The following SVIL variants were observed in gnomAD, a reference collection of about 807,000 sequenced individuals.
SVIL encodes the protein supervillin, also known as archvillin.
Under a neutral mutation model 240.4 loss-of-function variants are expected in SVIL, and 101 were observed. The ratio of observed to expected loss-of-function variants is 0.42; its 90% CI spans 0.36 to 0.50. The LOEUF is 0.50. Among genes scored for constraint, SVIL ranks in the 20% least tolerant of loss-of-function variants. The pLI is 0.01. For missense variants in SVIL, 2,512 were observed against 2,818.7 expected (o/e 0.89, Z 2.46); for synonymous variants, 999 against 1,100.0 (o/e 0.91, Z 1.82).
chr10:29,666,729 AG>A (rs1194130230), intron 2 of SVIL, among the ~76,000 whole-genome samples: 2 of 152,248 alleles, frequency 1.3e-5, no homozygotes, highest in Non-Finnish European at 2.9e-5. Context: ...TCTAAATAAA[AG>A]TAATTTAAAG....
intron 3 of SVIL, among the ~76,000 whole-genome samples, chr10:29,649,746 T>C (rs1589451282): frequency 6.6e-6 from 1 of 152,282 alleles, no homozygotes; most frequent in South Asian, 2.1e-4. Context: ...TCCCTAGTCA[T>C]GTGCTCAAAA....
chr10:29,472,681 G>A (rs950105919), intron 30 of SVIL, among the ~76,000 whole-genome samples: 10 of 152,170 alleles, frequency 6.6e-5, no homozygotes, highest in African/African-American at 2.4e-4. Flanking sequence ...TGCAGGCCCT[G>A]GGGTTATAAG....
chr10:29,658,348 T>C (rs1959065266), intron 2 of SVIL, among the ~76,000 whole-genome samples: 1 of 152,266 alleles, frequency 6.6e-6, no homozygotes. Context: ...TATGCAATGG[T>C]TCTCCAAAGC....
At chr10:29,564,354 T>G (rs1015136043) in intron 2 of SVIL, among the ~76,000 whole-genome samples, 3 of 152,170 alleles carry the variant, frequency 2.0e-5, no homozygotes, top group Admixed American at 6.5e-5. Context: ...CCAAGACTGC[T>G]GTGTACCCAA....
chr10:29,590,433 G>A (rs74129736), intron 1 of SVIL, among the ~76,000 whole-genome samples: 2,190 of 152,132 alleles, frequency 0.014, 60 homozygotes, highest in African/African-American at 0.049. Context: ...ATTTTCCCCC[G>A]ACATTAAAAC....
At chr10:29,475,074 G>A (rs886301685) in intron 29 of SVIL, among the ~76,000 whole-genome samples, 1 of 152,208 alleles carries the variant, frequency 6.6e-6, no homozygotes, top group African/African-American at 2.4e-5. Flanking sequence ...CACCCAGGCT[G>A]GAGTGCAATG....
intron 6 of SVIL, among the ~76,000 whole-genome samples, chr10:29,546,652 T>C (rs1269808061): frequency 6.6e-6 from 1 of 152,214 alleles, no homozygotes. Flanking sequence ...GGTGTTAATG[T>C]ACGTGAGCAC....
At chr10:29,612,170 G>T (rs1007209252) in intron 1 of SVIL, among the ~76,000 whole-genome samples, 1 of 152,148 alleles carries the variant, frequency 6.6e-6, no homozygotes, top group Admixed American at 6.5e-5. Flanking sequence ...GGTAGCATGT[G>T]CCAGCCAGGT....
chr10:29,615,563 G>A (rs1234888675), intron 1 of SVIL, among the ~76,000 whole-genome samples: 3 of 152,226 alleles, frequency 2.0e-5, no homozygotes, highest in Admixed American at 2.0e-4. Flanking sequence ...TTCTGGAGAA[G>A]GTTTGAATGA....
At chr10:29,462,229 T>G in intron 36 of SVIL, 48 bp downstream of exon 36, 1 of 1,585,314 alleles carries the variant, frequency 6.3e-7, no homozygotes, top group Non-Finnish European at 8.6e-7. Context: ...TAACCCACAA[T>G]CCAAAAGGCG....
rs570181340 is a variant in SVIL at position 29,669,876 on chromosome 10, G to A, written c.-300-11808C>T. Among the ~76,000 whole-genome samples the A allele has an allele frequency of 2.3e-4, 35 of 152,308 alleles. 1 individual carries two copies. The South Asian group carries it at 7.0e-3, about 31-fold the overall frequency. ...CGCCTATAATCTCAGCAGTTTGGGA[G>A]GCTGAGATGAGAGGATCACTTTAGT... On this transcript the variant is annotated intron_variant, in intron 2 of 35. Coordinates refer to the SVIL transcript ENST00000375400.
chr10:29,623,222 G>GAT (rs1172599618), intron 1 of SVIL, among the ~76,000 whole-genome samples: 5 of 152,238 alleles, frequency 3.3e-5, no homozygotes, highest in Non-Finnish European at 7.3e-5. Context: ...CCTATCAGCA[G>GAT]ATGCAAAGTG....
At chr10:29,459,710 T>C (rs1264403557) in intron 36 of SVIL, among the ~76,000 whole-genome samples, 1 of 152,176 alleles carries the variant, frequency 6.6e-6, no homozygotes, top group Non-Finnish European at 1.5e-5. Context: ...GATTGGCTGC[T>C]CTCCTTTTGG....
At chr10:29,478,791 G>GACA (rs1226624227) in intron 29 of SVIL, among the ~76,000 whole-genome samples, 5 of 151,566 alleles carry the variant, frequency 3.3e-5, no homozygotes, top group Non-Finnish European at 7.4e-5. Context: ...TGATAATGGT[G>GACA]GCATATGCCT....
At chr10:29,581,053 G>T (rs1734918265) in intron 1 of SVIL, among the ~76,000 whole-genome samples, 1 of 152,188 alleles carries the variant, frequency 6.6e-6, no homozygotes, top group African/African-American at 2.4e-5. Flanking sequence ...AAATCAAGAA[G>T]TGCTATGGAA....
chr10:29,487,418 A>G (rs1474162198), intron 23 of SVIL, 119 bp from the exon 24 acceptor site: 1 of 1,155,342 alleles, frequency 8.7e-7, no homozygotes, highest in African/African-American at 1.5e-5. Context: ...TCTGCTAATA[A>G]GAGTGCCCAT....
chr10:29,708,206 C>T (rs189666371), intron 1 of SVIL, among the ~76,000 whole-genome samples: 170 of 135,500 alleles, frequency 1.3e-3, no homozygotes, highest in African/African-American at 4.8e-3. Context: ...TGCAGTGAGC[C>T]GATATTGTGC....
chr10:29,694,949 T>A (rs1961812846), intron 1 of SVIL, among the ~76,000 whole-genome samples: 2 of 152,186 alleles, frequency 1.3e-5, no homozygotes, highest in Non-Finnish European at 2.9e-5. Flanking sequence ...GCCTGAGTTA[T>A]CTCTCTCTGC....
intron 16 of SVIL, 141 bp from the exon 17 acceptor site, chr10:29,513,002 T>A: frequency 7.9e-7 from 1 of 1,263,636 alleles, no homozygotes; most frequent in Admixed American, 2.4e-5. Flanking sequence ...TTTCATTTAT[T>A]CGGAAGACAG....
Sources: allele counts gnomAD v4.1 joint callset (sites outside exome capture counted in the v4.1 genomes callset), GRCh38; gene constraint gnomAD v4.1.1; transcripts MANE v1.5; gene names NCBI Gene and HGNC (gene_info 2026-07-23, HGNC 2026-07-21).